The following C1QTNF3 variants were observed in gnomAD, a reference collection of about 807,000 sequenced individuals.
C1QTNF3 encodes the protein C1q and TNF related 3.
In C1QTNF3, 26 loss-of-function variants were observed where a neutral mutation model predicts 32.6. The observed-to-expected ratio is 0.80, with a 90% confidence interval of 0.58 to 1.11. The LOEUF is 1.11. Ranked by LOEUF, C1QTNF3 falls within the 50% of genes least tolerant of loss-of-function variation. The pLI, the probability that C1QTNF3 is intolerant of heterozygous loss-of-function variation, is 0.00. For synonymous variants in C1QTNF3, 155 were observed against 146.0 expected (o/e 1.06, Z -0.44); for missense variants, 362 against 398.2 (o/e 0.91, Z 0.77).
the C1QTNF3 span, among the ~76,000 whole-genome samples, chr5:34,055,519 T>C: frequency 6.6e-6 from 1 of 152,224 alleles, no homozygotes; most frequent in Non-Finnish European, 1.5e-5. Flanking sequence ...AGGACTGACA[T>C]ACACGGGGCT....
the C1QTNF3 span, among the ~76,000 whole-genome samples, chr5:34,056,770 CA>C: frequency 1.3e-5 from 2 of 151,938 alleles, no homozygotes; most frequent in Non-Finnish European, 2.9e-5. Context: ...CTGGGCCTCC[CA>C]AAGTGCTGGG....
the C1QTNF3 span, among the ~76,000 whole-genome samples, chr5:34,226,252 T>A: frequency 6.6e-6 from 1 of 152,080 alleles, no homozygotes; most frequent in East Asian, 1.9e-4. Flanking sequence ...AAAATCCCAT[T>A]AATTTGTTAT....
chr5:34,033,012 T>C (rs1262617053), intron 3 of C1QTNF3: 2 of 316,226 alleles, frequency 6.3e-6, no homozygotes, highest in African/African-American at 2.2e-5. Context: ...AACATCTTAT[T>C]TGGGAAAATA....
chr5:34,056,982 G>C, the C1QTNF3 span, among the ~76,000 whole-genome samples: 7,715 of 152,196 alleles, frequency 0.051, 599 homozygotes, highest in African/African-American at 0.16. Flanking sequence ...GTGAGCAGAG[G>C]TCACCTGACC....
chr5:34,050,664 T>A, the C1QTNF3 span, among the ~76,000 whole-genome samples: 2 of 152,318 alleles, frequency 1.3e-5, no homozygotes, highest in Admixed American at 1.3e-4. Flanking sequence ...GTCCTACACA[T>A]CCCATCTGAA....
chr5:34,145,736 A>G, the C1QTNF3 span, among the ~76,000 whole-genome samples: 7 of 152,024 alleles, frequency 4.6e-5, 1 homozygote, highest in South Asian at 1.2e-3. Flanking sequence ...CCTGATGAAC[A>G]TAGCCATAAA....
At chr5:34,091,842 A>C in the C1QTNF3 span, among the ~76,000 whole-genome samples, 15 of 151,916 alleles carry the variant, frequency 9.9e-5, no homozygotes, top group Admixed American at 1.3e-4. Flanking sequence ...TTTTGTAATT[A>C]TTTTTTATAT....
At chr5:34,154,864 A>G in the C1QTNF3 span, among the ~76,000 whole-genome samples, 2 of 152,328 alleles carry the variant, frequency 1.3e-5, no homozygotes, top group African/African-American at 4.8e-5. Context: ...GAACCTGAGT[A>G]TCTAAACTAT....
chr5:34,062,233 T>C, the C1QTNF3 span, among the ~76,000 whole-genome samples: 1 of 152,200 alleles, frequency 6.6e-6, no homozygotes, highest in Admixed American at 6.5e-5. Flanking sequence ...AACAACCCAG[T>C]TGCCCCATCA....
chr5:34,049,958 G>A, the C1QTNF3 span, among the ~76,000 whole-genome samples: 1 of 152,174 alleles, frequency 6.6e-6, no homozygotes, highest in Admixed American at 6.5e-5. Context: ...CTAGACTGGT[G>A]TTAGACCAAA....
the C1QTNF3 span, among the ~76,000 whole-genome samples, chr5:34,105,188 C>T: frequency 8.5e-5 from 13 of 152,056 alleles, no homozygotes; most frequent in Non-Finnish European, 1.6e-4. Flanking sequence ...GTCATACTTG[C>T]TTCATTTAAC....
the C1QTNF3 span, among the ~76,000 whole-genome samples, chr5:34,173,526 T>C: frequency 7.4e-6 from 1 of 135,164 alleles, no homozygotes; most frequent in Non-Finnish European, 1.6e-5. Context: ...AATCGTCTCA[T>C]TCAAGACCAT....
chr5:34,022,669 A>T (rs754880725), intron 5 of C1QTNF3, among the ~76,000 whole-genome samples: 3 of 152,174 alleles, frequency 2.0e-5, no homozygotes, highest in Non-Finnish European at 4.4e-5. Context: ...TTGGCACTGC[A>T]ATTCCATGTC....
chr5:34,054,973 C>A, the C1QTNF3 span, among the ~76,000 whole-genome samples: 4 of 152,154 alleles, frequency 2.6e-5, no homozygotes, highest in East Asian at 7.7e-4. Context: ...TTGTCTTAGG[C>A]AGAAAAATTT....
At chr5:34,148,232 G>C in the C1QTNF3 span, among the ~76,000 whole-genome samples, 58 of 145,998 alleles carry the variant, frequency 4.0e-4, no homozygotes, top group African/African-American at 1.4e-3. Flanking sequence ...CTGATTGCTA[G>C]CACAGCAGTC....
At chr5:34,051,825 T>G in the C1QTNF3 span, among the ~76,000 whole-genome samples, 2 of 152,258 alleles carry the variant, frequency 1.3e-5, no homozygotes, top group Non-Finnish European at 2.9e-5. Flanking sequence ...TTCCTCAGCT[T>G]AGCCTTTGAA....
chr5:34,172,859 G>A, the C1QTNF3 span, among the ~76,000 whole-genome samples: 14 of 152,198 alleles, frequency 9.2e-5, no homozygotes, highest in South Asian at 2.7e-3. Flanking sequence ...ATTACCTGTT[G>A]AAGAAACTCA....
the C1QTNF3 span, among the ~76,000 whole-genome samples, chr5:34,172,396 G>A: frequency 7.1e-6 from 1 of 140,128 alleles, no homozygotes; most frequent in Non-Finnish European, 1.5e-5. Flanking sequence ...GTTGAATGCT[G>A]GTTAACTGAA....
the C1QTNF3 span, among the ~76,000 whole-genome samples, chr5:34,137,079 C>T: frequency 4.0e-5 from 6 of 150,644 alleles, no homozygotes; most frequent in Admixed American, 6.6e-5. Flanking sequence ...CAAACCAACA[C>T]GGCACAGGTA....
Sources: allele counts gnomAD v4.1 joint callset (sites outside exome capture counted in the v4.1 genomes callset), GRCh38; gene constraint gnomAD v4.1.1; transcripts MANE v1.5; gene names NCBI Gene and HGNC (gene_info 2026-07-23, HGNC 2026-07-21).